SMARCAL1: variants seen among roughly 807,000 people sequenced by gnomAD.
SMARCAL1 encodes ATP-driven annealing helicase.
SMARCAL1 carries 58 observed loss-of-function variants against 94.5 expected under a neutral mutation model. That is an observed-to-expected ratio of 0.61 (90% CI 0.50 to 0.76). The LOEUF (loss-of-function observed/expected upper bound fraction) is 0.76. Ranked by LOEUF, SMARCAL1 falls within the 30% of genes least tolerant of loss-of-function variation. The pLI is 0.00. For synonymous variants in SMARCAL1, 422 were observed against 455.1 expected (o/e 0.93, Z 0.93); for missense variants, 1,051 against 1,177.9 (o/e 0.89, Z 1.58).
rs200431186 is a variant in SMARCAL1, at chr2:216,482,877, T to C, written c.2765T>C (p.Met922Thr). ...ACATCTGGAAGTAGTTCCCAGAACATGGGAGACACCCTGGATGAAAGCTCA... is the reference window on the plus strand; with the variant it reads ...ACATCTGGAAGTAGTTCCCAGAACACGGGAGACACCCTGGATGAAAGCTCA... ...SGTSGSSSQNMGDTLDESSLT... is the reference protein window; with the variant it reads ...SGTSGSSSQNTGDTLDESSLT... The change falls in exon 18 of 18, where the codon ATG becomes ACG. Residue 922 changes from methionine (M) to threonine (T), a missense_variant. By Grantham distance (81) the Met-to-Thr change is moderately conservative. This residue lies in a region of SMARCAL1 where 642 missense variants were observed against 754.7 expected (regional missense o/e 0.85). Coordinates refer to ENST00000357276, the MANE Select transcript of SMARCAL1 (RefSeq NM_014140.4). This position sits in a 1 kb window ranked among gnomAD's most constrained non-coding sequence, Gnocchi z 4.3. 232 of 1,614,162 alleles carry C rather than the reference T, an allele frequency of 1.4e-4. No homozygotes were observed. The highest frequency in any genetic ancestry group is 1.4e-3 in the East Asian group (64 of 44,880).
Position 216,415,194 on chromosome 2 carries a change from C to T in SMARCAL1, c.490C>T (p.His164Tyr). The change falls in exon 3 of 18, where the codon CAT becomes TAT. Residue 164 changes from histidine to tyrosine, a missense_variant. Around this residue, in one of 3 missense-constraint regions of SMARCAL1, gnomAD observed 398 missense variants for 395.2 expected, o/e 1.01. Coordinates refer to ENST00000357276, the MANE Select transcript of SMARCAL1 (RefSeq NM_014140.4). ...GTTCACACCCTTTGCTAACCCAACT[C>T]ATAAGCCTCTGGCCAAACCAAAGAG... is the stretch of plus-strand genomic sequence containing the variant. ...IRFTPFANPT[H>Y]KPLAKPKSSQ... is the part of the protein sequence containing the mutation. 6.2e-7 allele frequency: 1 copy of T among 1,613,996 alleles called. No individual in the cohort carries two copies. The highest frequency in any genetic ancestry group is 8.5e-7 in the Non-Finnish European group (1 of 1,179,934).
intron 10 of SMARCAL1, among the ~76,000 whole-genome samples, chr2:216,439,591 C>T (rs909711071): frequency 1.3e-5 from 2 of 152,146 alleles, no homozygotes; most frequent in Non-Finnish European, 2.9e-5. Context: ...AAAACAAATA[C>T]GCTGAATGTT....
Position 216,435,588 on chromosome 2 carries a change from G to T in SMARCAL1, c.1644+92G>T. Reference sequence around the variant, plus strand: ...GAACTTTCATGTCTGTAATCTCCTTGAGCCCCATTTAGTTTCTAGAAGAAT... The same window carrying T: ...GAACTTTCATGTCTGTAATCTCCTTTAGCCCCATTTAGTTTCTAGAAGAAT... On this transcript the variant is annotated intron_variant, in intron 9 of 17. Transcript: ENST00000357276. 5 of 1,124,804 alleles carry T rather than the reference G, an allele frequency of 4.4e-6. No homozygotes were observed. The Admixed American group carries it at 6.9e-5, about 15-fold the overall frequency. 69.7% of individuals were successfully genotyped at this position (1,124,804 alleles called of 1,614,324 possible). A position where few individuals can be genotyped will look rare whatever the true frequency, so the allele number is the denominator to read the frequency against.
chr2:216,433,201 G>T (rs1396521724), intron 8 of SMARCAL1, among the ~76,000 whole-genome samples: 2 of 151,562 alleles, frequency 1.3e-5, no homozygotes, highest in African/African-American at 4.8e-5. Context: ...CTTTTTTATT[G>T]TTTTTTAAAA....
In SMARCAL1 at chr2:216,475,922, G is replaced by A. The variant is rs548172853; in HGVS notation, c.2427+471G>A. On this transcript the variant is annotated intron_variant, in intron 15 of 17. Transcript: ENST00000357276. This position sits in a 1 kb window ranked among gnomAD's most constrained non-coding sequence, Gnocchi z 4.4. ...GAAGTTAGGGCACCGAGAGCTCAAGGGGTGAGGCAGGACTGCACTGCCATA... is the reference window on the plus strand; with the variant it reads ...GAAGTTAGGGCACCGAGAGCTCAAGAGGTGAGGCAGGACTGCACTGCCATA... Among the ~76,000 whole-genome samples the A allele has an allele frequency of 6.6e-6, 1 of 152,086 alleles. No individual in the cohort carries two copies. The highest frequency in any genetic ancestry group is 2.4e-5 in the African/African-American group (1 of 41,486).
chr2:216,449,189 C>A (rs1694388427), intron 11 of SMARCAL1, among the ~76,000 whole-genome samples: 1 of 152,270 alleles, frequency 6.6e-6, no homozygotes, highest in South Asian at 2.1e-4. Context: ...ACATGGGGGA[C>A]CCACCATGAT....
At chr2:216,469,545 A>G (rs755040061) in intron 14 of SMARCAL1, among the ~76,000 whole-genome samples, 7 of 152,160 alleles carry the variant, frequency 4.6e-5, no homozygotes, top group East Asian at 3.9e-4. Context: ...CGGCCTCCCA[A>G]TGGAGATTTC....
chr2:216,464,721 A>G, intron 13 of SMARCAL1, 54 bp downstream of exon 13: 1 of 1,234,916 alleles, frequency 8.1e-7, no homozygotes, highest in Admixed American at 1.7e-5. Flanking sequence ...AAAAAAAAAA[A>G]AACAACTTAT....
intron 1 of SMARCAL1, among the ~76,000 whole-genome samples, chr2:216,413,126 T>C (rs1465497584): frequency 1.3e-5 from 1 of 79,358 alleles, no homozygotes; most frequent in African/African-American, 5.0e-5. Flanking sequence ...GGAAGTTCTC[T>C]GGGGATAGAT....
intron 16 of SMARCAL1, among the ~76,000 whole-genome samples, chr2:216,477,766 C>T (rs983251973): frequency 6.6e-6 from 1 of 152,148 alleles, no homozygotes; most frequent in Admixed American, 6.5e-5. Context: ...TTATCTCCCC[C>T]TTCCTGATAC....
At chr2:216,454,011 C>T (rs556892090) in intron 12 of SMARCAL1, among the ~76,000 whole-genome samples, 2 of 152,294 alleles carry the variant, frequency 1.3e-5, no homozygotes, top group South Asian at 2.1e-4. Flanking sequence ...TTGTCTAAAG[C>T]CATTTTTTCA....
intron 7 of SMARCAL1, 36 bp from the exon 8 acceptor site, chr2:216,432,682 C>CG: frequency 6.2e-7 from 1 of 1,613,714 alleles, no homozygotes; most frequent in Non-Finnish European, 8.5e-7. Flanking sequence ...ACTCATGCCC[C>CG]GGGAAATGTG....
chr2:216,477,189 C>T lies in SMARCAL1; in HGVS notation c.2508C>T (p.Gly836=). Residue 836 remains glycine (G), a synonymous_variant, in exon 16 of 18, where the codon GGC becomes GGT. Transcript: ENST00000357276. ...SVGIHYLVAK[G]TADDYLWPLI... is the part of the protein sequence containing the mutation. ...GCATTCACTACCTCGTGGCAAAGGG[C>T]ACAGCTGATGACTACCTTTGGTATG... 1 of 1,596,708 alleles carries T rather than the reference C, an allele frequency of 6.3e-7. No homozygotes were observed. Among genetic ancestry groups the T allele is most frequent in the Non-Finnish European group, 8.5e-7 (1 of 1,171,502 alleles).
chr2:216,461,060 G>A (rs1694687346), intron 12 of SMARCAL1, among the ~76,000 whole-genome samples: 1 of 96,152 alleles, frequency 1.0e-5, no homozygotes, highest in East Asian at 4.6e-4. Flanking sequence ...AAAGAGGTGT[G>A]TGTGTGTGTG....
At chr2:216,438,344 G>T (rs977128261) in intron 9 of SMARCAL1, 76 bp from the exon 10 acceptor site, 7 of 1,294,770 alleles carry the variant, frequency 5.4e-6, no homozygotes, top group Non-Finnish European at 6.7e-6. Context: ...CCATGCCAGG[G>T]TCAAGCCTAA....
At chr2:216,420,863 T>C (rs1382600812) in intron 5 of SMARCAL1, among the ~76,000 whole-genome samples, 1 of 152,196 alleles carries the variant, frequency 6.6e-6, no homozygotes, top group Non-Finnish European at 1.5e-5. Context: ...AAACAGGTGG[T>C]TGCCATAAAA....
At chr2:216,438,537 T>C in intron 10 of SMARCAL1, 52 bp downstream of exon 10, 1 of 1,498,382 alleles carries the variant, frequency 6.7e-7, no homozygotes, top group Non-Finnish European at 9.3e-7. Flanking sequence ...CCATAATATT[T>C]TGCTCAGGCT....
intron 3 of SMARCAL1, chr2:216,415,891 T>TACC: frequency 5.2e-6 from 2 of 384,654 alleles, no homozygotes; most frequent in Non-Finnish European, 9.7e-6. Flanking sequence ...CCCAGTTTCA[T>TACC]TGGTCTGGAA....
rs754588819 is a variant in SMARCAL1, at chr2:216,475,464, G to C, written c.2427+13G>C. ...TTGGAACCCAGGGGTAAGAGACGCA[G>C]AAGACTCAGATACTCCCCAGGCATG... is the stretch of plus-strand genomic sequence containing the variant. On this transcript the variant is annotated intron_variant, in intron 15 of 17. Transcript: ENST00000357276. The surrounding 1 kb of genome is among the most constrained non-coding windows in gnomAD (Gnocchi z 4.4). 8 of 1,613,882 alleles carry C rather than the reference G, an allele frequency of 5.0e-6. No homozygotes were observed. Among genetic ancestry groups the C allele is most frequent in the Non-Finnish European group, 5.9e-6 (7 of 1,179,856 alleles).
Sources: allele counts gnomAD v4.1 joint callset (sites outside exome capture counted in the v4.1 genomes callset), GRCh38; gene constraint gnomAD v4.1.1; regional missense constraint gnomAD v4.1.1; non-coding constraint Gnocchi (gnomAD v3.1); transcripts MANE v1.5; gene names NCBI Gene and HGNC (gene_info 2026-07-23, HGNC 2026-07-21).